CDH17: variants seen among roughly 807,000 people sequenced by gnomAD.
CDH17 encodes the protein cadherin-17.
A neutral mutation model predicts 86.3 loss-of-function variants in CDH17; 67 were observed. The observed-to-expected ratio is 0.78, with a 90% CI of 0.64 to 0.95. CDH17 has a LOEUF of 0.95. Ranked by LOEUF, CDH17 falls within the 40% of genes least tolerant of loss-of-function variation. The pLI is 0.00. For missense variants in CDH17, 993 were observed against 1,017.6 expected (o/e 0.98, Z 0.33); for synonymous variants, 367 against 366.4 (o/e 1.00, Z -0.02).
At chr8:94,137,984 T>C (rs1012635317) in intron 15 of CDH17, among the ~76,000 whole-genome samples, 3 of 152,136 alleles carry the variant, frequency 2.0e-5, no homozygotes, top group Non-Finnish European at 4.4e-5. Context: ...ATTGGGTAAG[T>C]CATAACATTT....
rs546514641 is a variant in CDH17, at chr8:94,175,075, T to C, written c.425-815A>G. 5.9e-5 allele frequency among the ~76,000 whole-genome samples: 9 copies of C among 152,314 alleles called. No individual in the cohort carries two copies. In the South Asian group the frequency reaches 1.9e-3, roughly 32 times the overall value. On this transcript the variant is annotated intron_variant, in intron 5 of 17. Coordinates refer to ENST00000027335, the MANE Select transcript of CDH17 (RefSeq NM_004063.4). ...ACCAATGGTCACTTGAAATAGGCCA[T>C]GGTAGGAGTATTTGCAACATGGAAA...
At chr8:94,148,293 G>A (rs1164528175) in intron 14 of CDH17, among the ~76,000 whole-genome samples, 1 of 152,170 alleles carries the variant, frequency 6.6e-6, no homozygotes, top group Non-Finnish European at 1.5e-5. Context: ...TGTAATCCCA[G>A]CACTTTGGGA....
intron 10 of CDH17, among the ~76,000 whole-genome samples, chr8:94,163,791 A>C (rs1813104109): frequency 6.6e-6 from 1 of 152,214 alleles, no homozygotes; most frequent in Admixed American, 6.5e-5. Context: ...TATTGATTGA[A>C]GTTAAGGCTG....
At chr8:94,134,649 T>C (rs1306734092) in intron 15 of CDH17, among the ~76,000 whole-genome samples, 2 of 152,176 alleles carry the variant, frequency 1.3e-5, no homozygotes, top group African/African-American at 4.8e-5. Context: ...TTTGTGTCTC[T>C]ATCATCTCCT....
chr8:94,151,097 G>C (rs1019583170), intron 13 of CDH17, among the ~76,000 whole-genome samples: 1 of 152,194 alleles, frequency 6.6e-6, no homozygotes, highest in African/African-American at 2.4e-5. Context: ...CGTGATTTAA[G>C]TCATGCTGAA....
At chr8:94,156,811 T>C (rs1240441442) in intron 12 of CDH17, among the ~76,000 whole-genome samples, 1 of 152,248 alleles carries the variant, frequency 6.6e-6, no homozygotes, top group Non-Finnish European at 1.5e-5. Flanking sequence ...TGCTGGATGC[T>C]GTGTTAGGAA....
chr8:94,213,080 A>C (rs62523279), upstream of CDH17, among the ~76,000 whole-genome samples: 53,472 of 152,152 alleles, frequency 0.35, 10,853 homozygotes, highest in South Asian at 0.47. Context: ...GGGCGTAAGT[A>C]ATCCTCCTGC....
At chr8:94,161,512 G>A (rs1042841925) in intron 11 of CDH17, among the ~76,000 whole-genome samples, 16 of 152,120 alleles carry the variant, frequency 1.1e-4, no homozygotes, top group Non-Finnish European at 1.8e-4. Context: ...ACGCCCTATC[G>A]ATGACAAGAA....
chr8:94,189,684 C>T (rs1052642981), intron 2 of CDH17, among the ~76,000 whole-genome samples: 2 of 152,154 alleles, frequency 1.3e-5, no homozygotes, highest in Admixed American at 6.5e-5. Flanking sequence ...TCATAAAACA[C>T]CTCCCTCCAC....
At chr8:94,170,614 C>T (rs1233083992) in intron 8 of CDH17, 67 bp from the exon 9 acceptor site, 16 of 1,536,550 alleles carry the variant, frequency 1.0e-5, no homozygotes, top group African/African-American at 1.4e-5. Context: ...CAGAGAAAAT[C>T]GTTGTTTCAT....
rs367825663 is a variant in CDH17, at chr8:94,148,773, T to G, written c.1898A>C (p.Tyr633Ser). The change falls in exon 14 of 18, where the codon TAT (tyrosine) becomes TCT (serine). Residue 633 changes from tyrosine to serine, a missense_variant. By Grantham distance (144) the Tyr-to-Ser change is moderately radical. Coordinates refer to ENST00000027335, the MANE Select transcript of CDH17 (RefSeq NM_004063.4). ...TTCTGTGGCCACCACTTGTACCCGATATGGACTTCCGGCTTCTCTGTCCAA... is the reference window on the plus strand; with the variant it reads ...TTCTGTGGCCACCACTTGTACCCGAGATGGACTTCCGGCTTCTCTGTCCAA... ...APLDREAGSP[Y>S]RVQVVATEVG... 14 of 1,548,352 alleles carry G rather than the reference T, an allele frequency of 9.0e-6. No individual in the cohort carries two copies. The African/African-American group carries it at 2.0e-4, about 22-fold the overall frequency.
At chr8:94,186,337 T>TC (rs1385357885) in intron 3 of CDH17, among the ~76,000 whole-genome samples, 2 of 152,192 alleles carry the variant, frequency 1.3e-5, no homozygotes, top group African/African-American at 4.8e-5. Flanking sequence ...TTCTGTTCCC[T>TC]CATCCCCTGT....
chr8:94,187,252 C>T (rs548223376), intron 3 of CDH17, among the ~76,000 whole-genome samples: 76 of 152,294 alleles, frequency 5.0e-4, no homozygotes, highest in African/African-American at 1.8e-3. Context: ...TAAACATAAA[C>T]AAATAAAAAT....
chr8:94,198,177 A>T (rs1377693054), intron 1 of CDH17, among the ~76,000 whole-genome samples: 2 of 152,210 alleles, frequency 1.3e-5, no homozygotes, highest in Non-Finnish European at 2.9e-5. Flanking sequence ...ATGCTATATA[A>T]ATTAAGCAAC....
rs1413842147 is a variant in CDH17 at position 94,192,201 on chromosome 8, A to G, written c.51+2434T>C. On this transcript the variant is annotated intron_variant, in intron 2 of 17. Coordinates refer to ENST00000027335, the MANE Select transcript of CDH17 (RefSeq NM_004063.4). ...TCTCTTCCTGCCAATAAACATGACT[A>G]TTGGGGCTATAAAGATTTCAAAGTG... 3.9e-5 allele frequency among the ~76,000 whole-genome samples: 6 copies of G among 152,160 alleles called. No homozygotes were observed. The South Asian group carries it at 6.2e-4, about 16-fold the overall frequency.
intron 1 of CDH17, among the ~76,000 whole-genome samples, chr8:94,201,460 A>G (rs188088901): frequency 1.3e-5 from 2 of 152,308 alleles, no homozygotes; most frequent in African/African-American, 4.8e-5. Flanking sequence ...TTCTAAGAAG[A>G]GATTTGGAGA....
In CDH17 at chr8:94,128,240, T is replaced by G. The variant is rs149946106; in HGVS notation, c.2499A>C (p.Ter833CysextTer2). Residue 833 changes from the stop codon to cysteine (C), a stop_lost, in exon 18 of 18, where the codon TGA becomes TGC. Transcript: ENST00000027335. ...TAAATTCAAACATTCCTTTTCAAATTCAGCTTCTCAGAGGTTTGACTTCAG... is the reference window on the plus strand; with the variant it reads ...TAAATTCAAACATTCCTTTTCAAATGCAGCTTCTCAGAGGTTTGACTTCAG... ...QASEVKPLRS[*>C] 150 of 1,598,396 alleles carry G rather than the reference T, an allele frequency of 9.4e-5. No homozygotes were observed. In the African/African-American group the frequency reaches 1.9e-3, roughly 21 times the overall value.
chr8:94,131,960 G>A (rs1812429769), intron 15 of CDH17, among the ~76,000 whole-genome samples: 1 of 152,102 alleles, frequency 6.6e-6, no homozygotes, highest in Non-Finnish European at 1.5e-5. Context: ...AGTTTGCTGA[G>A]AATGATGGTT....
At chr8:94,182,914 T>C (rs1420436885) in intron 3 of CDH17, among the ~76,000 whole-genome samples, 3 of 151,956 alleles carry the variant, frequency 2.0e-5, no homozygotes, top group African/African-American at 7.2e-5. Flanking sequence ...TATTATAAGG[T>C]TTCAGGATAA....
Sources: gnomAD v4.1 joint callset for allele counts (sites outside exome capture counted in the v4.1 genomes callset) on GRCh38, gnomAD v4.1.1 for gene constraint, MANE v1.5 for transcripts, NCBI Gene and HGNC (gene_info 2026-07-23, HGNC 2026-07-21) for gene names.